The following RIMBP2 variants were observed in gnomAD, a reference collection of about 807,000 sequenced individuals.
RIMBP2 encodes RIMS binding protein 2, also known as RIMS-binding protein 2.
In RIMBP2, 48 loss-of-function variants were observed where a neutral mutation model predicts 118.6. The observed-to-expected ratio is 0.40, with a 90% CI of 0.32 to 0.51. The LOEUF (loss-of-function observed/expected upper bound fraction) is 0.51, where lower values mean the gene tolerates loss of function less well. Among genes scored for constraint, RIMBP2 ranks in the 20% least tolerant of loss-of-function variants. RIMBP2 has a pLI of 0.41. For missense variants in RIMBP2, 1,551 were observed against 1,768.3 expected (o/e 0.88, Z 2.20); for synonymous variants, 762 against 742.9 (o/e 1.03, Z -0.42).
chr12:130,648,710 G>A (rs1566425711), intron 1 of RIMBP2, among the ~76,000 whole-genome samples: 1 of 140,726 alleles, frequency 7.1e-6, no homozygotes, highest in Non-Finnish European at 1.6e-5. Flanking sequence ...AGGCTGGAGT[G>A]CAGTGGCGCG....
chr12:130,514,729 C>T (rs571077758), intron 3 of RIMBP2, among the ~76,000 whole-genome samples: 2 of 152,290 alleles, frequency 1.3e-5, no homozygotes, highest in Admixed American at 1.3e-4. Context: ...GAAAAATACT[C>T]CTGTCCTAAG....
chr12:130,709,690 C>T (rs531255245), intron 1 of RIMBP2, among the ~76,000 whole-genome samples: 12 of 152,226 alleles, frequency 7.9e-5, no homozygotes, highest in Middle Eastern at 6.8e-3. Context: ...TTGGAAACCA[C>T]GTCGGTAATA....
chr12:130,451,151 C>T (rs1344783039), intron 8 of RIMBP2, 44 bp downstream of exon 8: 6 of 1,599,192 alleles, frequency 3.8e-6, no homozygotes, highest in Non-Finnish European at 5.1e-6. Context: ...ACCAGACACA[C>T]ACAGCACAGG....
At chr12:130,674,837 G>A (rs146012627) in intron 1 of RIMBP2, among the ~76,000 whole-genome samples, 5 of 151,860 alleles carry the variant, frequency 3.3e-5, no homozygotes, top group Admixed American at 3.3e-4. Context: ...TGCTCGGGAC[G>A]GGTCGTATAC....
chr12:130,623,535 G>A lies in RIMBP2; in HGVS notation c.-217+4787C>T, dbSNP rs1414365536. Among the ~76,000 whole-genome samples the A allele has an allele frequency of 6.6e-6, 1 of 152,152 alleles. No individual in the cohort carries two copies. The highest frequency in any genetic ancestry group is 1.5e-5 in the Non-Finnish European group (1 of 68,020). Reference sequence around the variant, plus strand: ...ATTAGGCATGGTTAGGGGACAGTTAGTTAACTGTTGTCATCTGTGTGTGCA... The same window carrying A: ...ATTAGGCATGGTTAGGGGACAGTTAATTAACTGTTGTCATCTGTGTGTGCA... On this transcript the variant is annotated intron_variant, in intron 2 of 22. Coordinates refer to ENST00000690449, the MANE Select transcript of RIMBP2 (RefSeq NM_001393629.1). This position sits in a 1 kb window ranked among gnomAD's most constrained non-coding sequence, Gnocchi z 4.1.
intron 12 of RIMBP2, among the ~76,000 whole-genome samples, chr12:130,438,041 G>A (rs75163286): frequency 6.6e-6 from 1 of 152,188 alleles, no homozygotes; most frequent in Non-Finnish European, 1.5e-5. Flanking sequence ...GGGTATCATC[G>A]TGCTAAGACT....
chr12:130,664,024 T>G (rs201101581), intron 1 of RIMBP2, among the ~76,000 whole-genome samples: 13 of 34,872 alleles, frequency 3.7e-4, no homozygotes, highest in South Asian at 1.0e-3. Flanking sequence ...ATATTGTGGG[T>G]TTTTTTTAAA....
At chr12:130,598,644 C>T (rs186753929) in intron 2 of RIMBP2, among the ~76,000 whole-genome samples, 3 of 151,650 alleles carry the variant, frequency 2.0e-5, no homozygotes, top group Admixed American at 1.3e-4. Flanking sequence ...AGGAGAATGG[C>T]GTGAACCCGG....
intron 22 of RIMBP2, 72 bp downstream of exon 22, chr12:130,399,607 G>C: frequency 6.5e-7 from 1 of 1,537,828 alleles, no homozygotes. Flanking sequence ...AAAAATATCA[G>C]TGCAAAGATT....
chr12:130,412,015 A>G (rs2075758318), intron 19 of RIMBP2, among the ~76,000 whole-genome samples: 1 of 152,158 alleles, frequency 6.6e-6, no homozygotes, highest in African/African-American at 2.4e-5. Flanking sequence ...TTTTGAGACT[A>G]CAGAGGCTTT....
At chr12:130,503,075 A>G (rs890987791) in intron 4 of RIMBP2, among the ~76,000 whole-genome samples, 3 of 151,898 alleles carry the variant, frequency 2.0e-5, no homozygotes, top group Non-Finnish European at 1.5e-5. Context: ...AGAATACTAC[A>G]TTTTCTCTTG....
intron 2 of RIMBP2, among the ~76,000 whole-genome samples, chr12:130,570,167 T>A (rs2057519953): frequency 6.6e-6 from 1 of 152,186 alleles, no homozygotes; most frequent in African/African-American, 2.4e-5. Context: ...CTCACACCTG[T>A]AATCCTAGCA....
intron 12 of RIMBP2, 31 bp downstream of exon 12, chr12:130,438,334 A>ATCCGGGGGGG: frequency 7.4e-7 from 1 of 1,344,508 alleles, no homozygotes; most frequent in Non-Finnish European, 1.1e-6. Context: ...GGGCCTAACA[A>ATCCGGGGGGG]ACCCTCCCCA....
chr12:130,532,689 G>A (rs1197610948), intron 2 of RIMBP2, among the ~76,000 whole-genome samples: 3 of 127,014 alleles, frequency 2.4e-5, no homozygotes, highest in Non-Finnish European at 3.4e-5. Context: ...AATGAGATGC[G>A]TGTGTTCAGC....
At chr12:130,473,602 G>C (rs892875876) in intron 5 of RIMBP2, among the ~76,000 whole-genome samples, 25 of 152,322 alleles carry the variant, frequency 1.6e-4, no homozygotes, top group African/African-American at 6.0e-4. Context: ...AGGGGCCTCC[G>C]TGGGCGTTAT....
At position 130,406,176 on chromosome 12, in the gene RIMBP2, T is replaced by C; in HGVS notation, c.3761A>G (p.Tyr1254Cys). The change falls in exon 21 of 23, where the codon TAT (tyrosine) becomes TGT (cysteine). Residue 1254 changes from tyrosine (Y) to cysteine (C), a missense_variant. Coordinates refer to ENST00000690449, the MANE Select transcript of RIMBP2 (RefSeq NM_001393629.1). ...VFGEIDEDGFYYGELNGQKGL... is the reference protein window; with the variant it reads ...VFGEIDEDGFCYGELNGQKGL... ...CTTGATATTTCAAAAACTTACATAA[T>C]AAAATCCATCTTCATCAATTTCACC... is the stretch of plus-strand genomic sequence containing the variant. 6.5e-7 allele frequency: 1 copy of C among 1,547,910 alleles called. No individual in the cohort carries two copies. The highest frequency in any genetic ancestry group is 8.9e-7 in the Non-Finnish European group (1 of 1,122,314).
At chr12:130,609,330 G>T (rs555917600) in intron 2 of RIMBP2, among the ~76,000 whole-genome samples, 1 of 152,250 alleles carries the variant, frequency 6.6e-6, no homozygotes, top group East Asian at 1.9e-4. Flanking sequence ...TCAAGAAAAT[G>T]TGTTCTCTAC....
intron 5 of RIMBP2, among the ~76,000 whole-genome samples, chr12:130,478,656 T>C (rs560304844): frequency 6.6e-6 from 1 of 152,182 alleles, no homozygotes; most frequent in Non-Finnish European, 1.5e-5. Context: ...TACGCATGTG[T>C]TTTTCCCGAC....
In RIMBP2 at chr12:130,399,789, G is replaced by A. The variant is rs746096110; in HGVS notation, c.3790C>T (p.Leu1264Phe). 4.3e-6 allele frequency: 7 copies of A among 1,614,066 alleles called. No individual in the cohort carries two copies. In the South Asian group the frequency reaches 5.5e-5, roughly 13 times the overall value. ...TCTTCCAAGAAGTTTGAGGGCACAA[G>A]GCCTTTCTGCCCATTCAGCTCCCCC... ...YYGELNGQKG[L>F]VPSNFLEEVP... The change falls in exon 22 of 23, where the codon CTT becomes TTT. Residue 1264 changes from leucine to phenylalanine, a missense_variant. Leu to Phe is a conservative substitution (Grantham distance 22, BLOSUM62 0). Around this residue, in one of 5 missense-constraint regions of RIMBP2, gnomAD observed 1,038 missense variants for 1,125.1 expected, o/e 0.92. Transcript: ENST00000690449.
Sources: allele counts gnomAD v4.1 joint callset (sites outside exome capture counted in the v4.1 genomes callset), GRCh38; gene constraint gnomAD v4.1.1; regional missense constraint gnomAD v4.1.1; non-coding constraint Gnocchi (gnomAD v3.1); transcripts MANE v1.5; gene names NCBI Gene and HGNC (gene_info 2026-07-23, HGNC 2026-07-21).